The following MID1 variants were observed in gnomAD, a reference collection of about 807,000 sequenced individuals.
The protein encoded by MID1 is midline 1, also known as E3 ubiquitin-protein ligase Midline-1.
A neutral mutation model predicts 40.4 loss-of-function variants in MID1; 7 were observed. The observed-to-expected ratio is 0.17, with a 90% CI of 0.10 to 0.33. The LOEUF (loss-of-function observed/expected upper bound fraction) is 0.33, where lower values mean the gene tolerates loss of function less well. Among genes scored for constraint, MID1 ranks in the 10% least tolerant of loss-of-function variants. The probability of loss-of-function intolerance (pLI) is 1.00; values close to 1 mark genes in which losing one functional copy is unlikely to be tolerated. For synonymous variants in MID1, 229 were observed against 221.2 expected (o/e 1.04, Z -0.31); for missense variants, 367 against 558.5 (o/e 0.66, Z 3.46).
At chrX:10,638,925 C>G (rs1936154348) in intron 1 of MID1, among the ~76,000 whole-genome samples, 1 of 112,387 alleles carries the variant, frequency 8.9e-6, no homozygotes, top group Non-Finnish European at 1.9e-5. Flanking sequence ...CAAACTCCAG[C>G]AGACCTGCAG....
intron 7 of MID1, among the ~76,000 whole-genome samples, chrX:10,460,902 T>C (rs1432282000): frequency 9.0e-6 from 1 of 110,800 alleles, no homozygotes; most frequent in Non-Finnish European, 1.9e-5. Context: ...ACCACAAATA[T>C]ATGCATAGAA....
rs1928903190 is a variant in MID1 at position 10,459,630 on chromosome X, A to T, written c.1447+16T>A. On this transcript the variant is annotated intron_variant, in intron 8 of 9. Coordinates refer to ENST00000317552, the MANE Select transcript of MID1 (RefSeq NM_000381.4). Reference sequence around the variant, plus strand: ...CAGATAAGACATGACAGCTCTGTTGAGTTCACAGCACTTACTGTTTGTCTT... The same window carrying T: ...CAGATAAGACATGACAGCTCTGTTGTGTTCACAGCACTTACTGTTTGTCTT... The T allele has an allele frequency of 8.3e-7, 1 of 1,206,049 alleles. No homozygotes were observed. The highest frequency in any genetic ancestry group is 1.7e-5 in the African/African-American group (1 of 57,191).
intron 5 of MID1, 122 bp downstream of exon 5, chrX:10,482,358 A>G (rs976750663): frequency 1.2e-5 from 9 of 773,124 alleles, no homozygotes; most frequent in Non-Finnish European, 2.0e-6. Flanking sequence ...CAAAGCCTCT[A>G]TTCTCTCTGG....
intron 7 of MID1, 185 bp downstream of exon 7, chrX:10,469,512 T>G (rs900398330): frequency 8.6e-7 from 1 of 1,163,263 alleles, no homozygotes. Context: ...TCATCAATAT[T>G]TAGCCAGCTG....
intron 1 of MID1, among the ~76,000 whole-genome samples, chrX:10,766,967 GAC>G (rs2043734835): frequency 1.8e-5 from 2 of 109,789 alleles, no homozygotes; most frequent in Admixed American, 2.0e-4. Flanking sequence ...CTCACATGTT[GAC>G]ACAGTGACGC....
chrX:10,789,402 T>C (rs894158490), intron 1 of MID1, among the ~76,000 whole-genome samples: 3 of 112,386 alleles, frequency 2.7e-5, no homozygotes, highest in Admixed American at 9.4e-5. Flanking sequence ...ATATGACATG[T>C]TCCCATAAGA....
At chrX:10,672,573 T>C (rs1415769676) in intron 1 of MID1, among the ~76,000 whole-genome samples, 3 of 111,570 alleles carry the variant, frequency 2.7e-5, no homozygotes, top group Non-Finnish European at 5.6e-5. Flanking sequence ...CAGAAGCCTC[T>C]TGAAGTTGGA....
chrX:10,646,279 GTAA>G (rs200514254), intron 1 of MID1, among the ~76,000 whole-genome samples: 2,345 of 111,991 alleles, frequency 0.021, 22 homozygotes, highest in Non-Finnish European at 0.034. Flanking sequence ...AGTGGTCCTT[GTAA>G]TAAGAACAGA....
At chrX:10,465,048 G>T (rs1417304563) in intron 7 of MID1, among the ~76,000 whole-genome samples, 1 of 108,347 alleles carries the variant, frequency 9.2e-6, no homozygotes, top group Non-Finnish European at 1.9e-5. Context: ...GCCAGGCGTG[G>T]TAGCACATGT....
At chrX:10,644,948 T>C (rs1266718611) in intron 1 of MID1, among the ~76,000 whole-genome samples, 1 of 112,265 alleles carries the variant, frequency 8.9e-6, no homozygotes, top group Non-Finnish European at 1.9e-5. Flanking sequence ...GCTTTGTCAT[T>C]GCCGTGATTG....
chrX:10,566,102 G>A (rs746352754), intron 2 of MID1, among the ~76,000 whole-genome samples: 11 of 111,167 alleles, frequency 9.9e-5, no homozygotes, highest in African/African-American at 3.6e-4. Flanking sequence ...GAGCCACCAC[G>A]CCCTGCCTAG....
At chrX:10,469,876 A>G in intron 6 of MID1, 36 bp from the exon 7 acceptor site, 1 of 1,172,285 alleles carries the variant, frequency 8.5e-7, no homozygotes, top group Middle Eastern at 2.3e-4. Flanking sequence ...GTGGAAAAGC[A>G]CACACAACTG....
chrX:10,531,382 A>AT (rs1187300738), intron 2 of MID1, among the ~76,000 whole-genome samples: 2 of 111,905 alleles, frequency 1.8e-5, no homozygotes, highest in Admixed American at 9.5e-5. Flanking sequence ...TTTTTAATGC[A>AT]TTTTTTTCAT....
At position 10,449,115 on chromosome X, in the gene MID1, T is replaced by C; in HGVS notation, c.*253A>G. On this transcript the variant is annotated 3_prime_UTR_variant, in exon 10 of 10. Transcript: ENST00000317552. Reference sequence around the variant, plus strand: ...TAATTCCTAAAAGTTGTAATCCTGATTATGTTTCTCTTATAAATAATCTAT... The same window carrying C: ...TAATTCCTAAAAGTTGTAATCCTGACTATGTTTCTCTTATAAATAATCTAT... 3.1e-6 allele frequency: 1 copy of C among 322,048 alleles called. No individual in the cohort carries two copies. The highest frequency in any genetic ancestry group is 5.4e-6 in the Non-Finnish European group (1 of 185,205). The allele number at this position is 322,048 out of a possible 1,213,427, so 26.5% of individuals were successfully genotyped here. A position where few individuals can be genotyped will look rare whatever the true frequency, so the allele number is the denominator to read the frequency against.
At chrX:10,658,428 T>TAA (rs35116185) in intron 1 of MID1, among the ~76,000 whole-genome samples, 10 of 5,578 alleles carry the variant, frequency 1.8e-3, no homozygotes, top group Admixed American at 4.3e-3. Context: ...CCTTCAACTG[T>TAA]AAAAAAAAAA....
In MID1 at chrX:10,663,429, T is replaced by C. The variant is rs1165147767; in HGVS notation, c.-186-43010A>G. The stretch of plus-strand genomic sequence containing the variant: ...GACTGCCTTCTTTCTCTGAGCATGA[T>C]GTAGCATGTATCAGCAGCTGAATAA... On this transcript the variant is annotated intron_variant, in intron 1 of 10. Transcript: ENST00000380785. 5.3e-5 allele frequency among the ~76,000 whole-genome samples: 6 copies of C among 112,454 alleles called. No individual in the cohort carries two copies. In the East Asian group the frequency reaches 1.7e-3, roughly 32 times the overall value.
rs1175905426 is a variant in MID1 at position 10,573,232 on chromosome X, C to T, written c.-56-5629G>A. 5.3e-5 allele frequency among the ~76,000 whole-genome samples: 6 copies of T among 112,386 alleles called. No homozygotes were observed. In the Admixed American group the frequency reaches 5.6e-4, roughly 11 times the overall value. On this transcript the variant is annotated intron_variant, in intron 1 of 9. Coordinates refer to ENST00000317552, the MANE Select transcript of MID1 (RefSeq NM_000381.4). ...CCCTCTTCTTCCTTTCCTTTCCTCT[C>T]TCATAATATGTATCTTAGTCCATTT... is the stretch of plus-strand genomic sequence containing the variant.
chrX:10,672,442 G>A (rs1324023318), intron 1 of MID1, among the ~76,000 whole-genome samples: 1 of 111,042 alleles, frequency 9.0e-6, no homozygotes, highest in African/African-American at 3.3e-5. Flanking sequence ...GGGTCACCTG[G>A]TGGCCCCAGT....
intron 1 of MID1, among the ~76,000 whole-genome samples, chrX:10,640,607 A>G (rs1335385948): frequency 3.6e-5 from 4 of 111,122 alleles, no homozygotes; most frequent in East Asian, 5.7e-4. Context: ...ACAAATCAAC[A>G]AGACAGAAAG....
Sources: gnomAD v4.1 joint callset for allele counts (sites outside exome capture counted in the v4.1 genomes callset) on GRCh38, gnomAD v4.1.1 for gene constraint, MANE v1.5 for transcripts, NCBI Gene and HGNC (gene_info 2026-07-23, HGNC 2026-07-21) for gene names.